Variants in TSEN2 observed in about 807,000 individuals in gnomAD.
The protein encoded by TSEN2 is tRNA-splicing endonuclease subunit Sen2.
Under a neutral mutation model 59.2 loss-of-function variants are expected in TSEN2, and 54 were observed. The observed-to-expected ratio is 0.91, with a 90% CI of 0.73 to 1.14. The LOEUF (loss-of-function observed/expected upper bound fraction) is 1.14. TSEN2 is among the 50% of genes most tolerant of loss of function. TSEN2 has a pLI of 0.00. For synonymous variants in TSEN2, 195 were observed against 198.2 expected (o/e 0.98, Z 0.14); for missense variants, 636 against 576.2 (o/e 1.10, Z -1.06).
rs765823182 is a variant in TSEN2 at position 12,503,242 on chromosome 3, A to G, written c.309-20A>G. On this transcript the variant is annotated intron_variant, in intron 4 of 11. Transcript: ENST00000284995. Reference sequence around the variant, plus strand: ...TTTTGAAATTCGAGTGCTGTTTCTAACAGTATTTCTGTCTTGCAGGTATCA... The same window carrying G: ...TTTTGAAATTCGAGTGCTGTTTCTAGCAGTATTTCTGTCTTGCAGGTATCA... The G allele has an allele frequency of 1.9e-6, 3 of 1,614,098 alleles. No individual in the cohort carries two copies. Among genetic ancestry groups the G allele is most frequent in the Non-Finnish European group, 2.5e-6 (3 of 1,179,990 alleles).
chr3:12,531,305 A>G (rs542085355), intron 10 of TSEN2: 89 of 419,300 alleles, frequency 2.1e-4, no homozygotes, highest in Non-Finnish European at 3.3e-4. Context: ...AGGACTTACT[A>G]TATTTAGTAT....
intron 3 of TSEN2, among the ~76,000 whole-genome samples, chr3:12,494,641 T>TG: frequency 6.6e-6 from 1 of 151,960 alleles, no homozygotes; most frequent in African/African-American, 2.4e-5. Flanking sequence ...CCTCAAGTGA[T>TG]CTGCCTGCCT....
At chr3:12,488,107 C>T (rs1316953525) in intron 1 of TSEN2, among the ~76,000 whole-genome samples, 1 of 152,150 alleles carries the variant, frequency 6.6e-6, no homozygotes, top group Non-Finnish European at 1.5e-5. Flanking sequence ...TATCATCACA[C>T]GTTGGATAAG....
chr3:12,516,726 A>G (rs964187547), intron 7 of TSEN2, 65 bp downstream of exon 7: 2 of 1,367,500 alleles, frequency 1.5e-6, no homozygotes, highest in Non-Finnish European at 1.0e-6. Context: ...AGGTTGTACT[A>G]ATTTCTATAT....
At chr3:12,519,591 A>T (rs967577825) in intron 8 of TSEN2, among the ~76,000 whole-genome samples, 1 of 152,112 alleles carries the variant, frequency 6.6e-6, no homozygotes, top group Non-Finnish European at 1.5e-5. Context: ...TAAAAAATAT[A>T]AAAAATTAGC....
In TSEN2 at chr3:12,528,790, G is replaced by A. The variant is rs532807316; in HGVS notation, c.1100-98G>A. 7 of 1,270,820 alleles carry A rather than the reference G, an allele frequency of 5.5e-6. No homozygotes were observed. In the East Asian group the frequency reaches 7.0e-5, roughly 13 times the overall value. The allele number at this position is 1,270,820 out of a possible 1,614,324, so 78.7% of individuals were successfully genotyped here. On this transcript the variant is annotated intron_variant, in intron 8 of 11. Transcript: ENST00000284995. ...GATTATTGAGTATTTGCTTCCTTTT[G>A]GAGAAGAAAAGTTAATAAAGCAAGC...
chr3:12,530,226 A>T (rs1409682008), intron 10 of TSEN2: 1 of 1,021,858 alleles, frequency 9.8e-7, no homozygotes, highest in African/African-American at 1.7e-5. Context: ...ACTCATACAC[A>T]TATTCACAAA....
At chr3:12,495,967 T>G (rs2053707019) in intron 3 of TSEN2, among the ~76,000 whole-genome samples, 2 of 152,198 alleles carry the variant, frequency 1.3e-5, no homozygotes, top group African/African-American at 4.8e-5. Flanking sequence ...CTGTCAGAAC[T>G]GCGCCCTCAT....
At chr3:12,529,985 C>G in intron 10 of TSEN2, 112 bp downstream of exon 10, 1 of 1,510,442 alleles carries the variant, frequency 6.6e-7, no homozygotes, top group Non-Finnish European at 8.8e-7. Context: ...TCATAACATT[C>G]CTGCCAGTGA....
At chr3:12,521,807 C>T (rs868328198) in intron 8 of TSEN2, among the ~76,000 whole-genome samples, 2 of 152,080 alleles carry the variant, frequency 1.3e-5, no homozygotes, top group Non-Finnish European at 2.9e-5. Flanking sequence ...GTCAGGAGAT[C>T]GAGACCATCC....
At chr3:12,521,747 C>A (rs2056653113) in intron 8 of TSEN2, among the ~76,000 whole-genome samples, 2 of 151,982 alleles carry the variant, frequency 1.3e-5, no homozygotes, top group South Asian at 4.2e-4. Flanking sequence ...CGCGGTGGCT[C>A]ACGCCTGTAA....
chr3:12,483,115 C>T (rs2052252955), upstream of TSEN2, among the ~76,000 whole-genome samples: 1 of 152,220 alleles, frequency 6.6e-6, no homozygotes, highest in South Asian at 2.1e-4. Flanking sequence ...GTGGCTCAAG[C>T]CTGTAATCCC....
chr3:12,513,927 C>T (rs1378188237), intron 6 of TSEN2, among the ~76,000 whole-genome samples: 1 of 152,170 alleles, frequency 6.6e-6, no homozygotes, highest in Admixed American at 6.5e-5. Flanking sequence ...TGTAGGGTGG[C>T]TCTGGCTGTT....
At chr3:12,535,896 G>A (rs299628), downstream of TSEN2, among the ~76,000 whole-genome samples, 1 of 151,914 alleles carries the variant, frequency 6.6e-6, no homozygotes. Flanking sequence ...CAGGGGCGAC[G>A]TTGGAAACGT....
intron 8 of TSEN2, among the ~76,000 whole-genome samples, chr3:12,523,976 T>C (rs1045982557): frequency 1.3e-5 from 2 of 152,254 alleles, no homozygotes; most frequent in Non-Finnish European, 2.9e-5. Flanking sequence ...CTCCAAAGAA[T>C]AGGGACATTC....
intron 2 of TSEN2, 96 bp downstream of exon 2, chr3:12,490,085 A>G (rs1188035276): frequency 1.8e-6 from 2 of 1,135,484 alleles, no homozygotes; most frequent in Non-Finnish European, 1.3e-6. Flanking sequence ...CACACCAACC[A>G]TGAACAATGT....
chr3:12,489,063 T>C (rs1300041959), intron 1 of TSEN2, among the ~76,000 whole-genome samples: 1 of 152,184 alleles, frequency 6.6e-6, no homozygotes, highest in East Asian at 1.9e-4. Context: ...GTTCTTATCT[T>C]GATTTTGCAG....
intron 5 of TSEN2, 33 bp from the exon 6 acceptor site, chr3:12,505,121 T>G (rs2054674549): frequency 7.7e-7 from 1 of 1,294,878 alleles, no homozygotes; most frequent in Non-Finnish European, 1.1e-6. Flanking sequence ...TGCTTCCATT[T>G]GTTCTGTATA....
intron 6 of TSEN2, among the ~76,000 whole-genome samples, chr3:12,512,484 C>T (rs2055578154): frequency 6.6e-6 from 1 of 152,174 alleles, no homozygotes; most frequent in African/African-American, 2.4e-5. Context: ...TGGTTCCTGC[C>T]TTTATTCTCT....
Sources: allele counts gnomAD v4.1 joint callset (sites outside exome capture counted in the v4.1 genomes callset), GRCh38; gene constraint gnomAD v4.1.1; transcripts MANE v1.5; gene names NCBI Gene and HGNC (gene_info 2026-07-23, HGNC 2026-07-21).